RAB11FIP4: variants seen among roughly 807,000 people sequenced by gnomAD.
The protein encoded by RAB11FIP4 is rab11 family-interacting protein 4.
In RAB11FIP4, 23 loss-of-function variants were observed where a neutral mutation model predicts 74.3. The observed-to-expected ratio is 0.31, with a 90% confidence interval of 0.22 to 0.44. The LOEUF (loss-of-function observed/expected upper bound fraction) is 0.44. Ranked by LOEUF, RAB11FIP4 falls within the 20% of genes least tolerant of loss-of-function variation. RAB11FIP4 has a pLI of 1.00. For synonymous variants in RAB11FIP4, 360 were observed against 359.9 expected, an observed-to-expected ratio of 1.00 and a Z score of 0.00; for missense variants, 630 against 863.9, an observed-to-expected ratio of 0.73 and a Z score of 3.39.
chr17:31,403,485 G>A (rs899667283), intron 1 of RAB11FIP4, among the ~76,000 whole-genome samples: 2 of 151,868 alleles, frequency 1.3e-5, no homozygotes, highest in Non-Finnish European at 2.9e-5. Context: ...ACCACACCCA[G>A]CTAATTTTTT....
chr17:31,454,856 C>T (rs1432406335), intron 3 of RAB11FIP4, among the ~76,000 whole-genome samples: 1 of 152,148 alleles, frequency 6.6e-6, no homozygotes, highest in African/African-American at 2.4e-5. Flanking sequence ...TGCACTCCAG[C>T]CTGGGCAACA....
chr17:31,474,626 G>A (rs8070644), intron 3 of RAB11FIP4, among the ~76,000 whole-genome samples: 9,102 of 150,098 alleles, frequency 0.061, 873 homozygotes, highest in African/African-American at 0.2. Flanking sequence ...CTGAGATTGC[G>A]CCACTGCACT....
chr17:31,492,250 C>T (rs2072023121), intron 3 of RAB11FIP4, among the ~76,000 whole-genome samples: 2 of 152,174 alleles, frequency 1.3e-5, no homozygotes, highest in African/African-American at 4.8e-5. Context: ...CTATGGGGTC[C>T]TAAGGACCCC....
intron 3 of RAB11FIP4, among the ~76,000 whole-genome samples, chr17:31,500,321 C>A (rs923740320): frequency 6.6e-6 from 1 of 152,166 alleles, no homozygotes. Context: ...TGGCGTCCCT[C>A]TGAGCAGGGT....
rs542877630 is a variant in RAB11FIP4 at position 31,458,270 on chromosome 17, C to A, written c.336+24148C>A. Among the ~76,000 whole-genome samples the A allele has an allele frequency of 2.2e-4, 34 of 152,326 alleles. No homozygotes were observed. The Middle Eastern group carries it at 0.01, about 46-fold the overall frequency. On this transcript the variant is annotated intron_variant, in intron 3 of 14. Transcript: ENST00000621161. ...ACTCCCTCCACCCCATCCCTGGAGG[C>A]AGGACCAGAGGACTCCTTTGAGGAG... is the stretch of plus-strand genomic sequence containing the variant.
At chr17:31,502,445 G>T (rs1172734390) in intron 3 of RAB11FIP4, among the ~76,000 whole-genome samples, 1 of 151,908 alleles carries the variant, frequency 6.6e-6, no homozygotes, top group Admixed American at 6.6e-5. Flanking sequence ...TGGGCGTGCT[G>T]GTGGGCACCT....
At chr17:31,441,440 T>C (rs1020748145) in intron 3 of RAB11FIP4, among the ~76,000 whole-genome samples, 1 of 152,174 alleles carries the variant, frequency 6.6e-6, no homozygotes, top group African/African-American at 2.4e-5. Context: ...ATTTTATAAC[T>C]GGTTACAACT....
intron 3 of RAB11FIP4, among the ~76,000 whole-genome samples, chr17:31,482,606 A>G (rs1304400072): frequency 2.7e-5 from 4 of 145,836 alleles, no homozygotes; most frequent in African/African-American, 1.1e-4. Context: ...AAAAGAAAAA[A>G]AAAAGAAAAG....
chr17:31,457,992 G>A (rs1231919437), intron 3 of RAB11FIP4, among the ~76,000 whole-genome samples: 1 of 152,150 alleles, frequency 6.6e-6, no homozygotes, highest in Non-Finnish European at 1.5e-5. Context: ...CTTGAGGGAA[G>A]GGACAGATGG....
chr17:31,474,576 G>A (rs2142731527), intron 3 of RAB11FIP4, among the ~76,000 whole-genome samples: 1 of 151,888 alleles, frequency 6.6e-6, no homozygotes, highest in East Asian at 1.9e-4. Flanking sequence ...GGCTGAGGCA[G>A]GAGATTCACT....
At chr17:31,498,181 G>A (rs904280213) in intron 3 of RAB11FIP4, among the ~76,000 whole-genome samples, 11 of 152,220 alleles carry the variant, frequency 7.2e-5, no homozygotes, top group East Asian at 1.9e-4. Context: ...GGGAGGGAGA[G>A]TCTCCACCCC....
At chr17:31,527,584 ACT>A (rs1345945312) in intron 10 of RAB11FIP4, 1 of 446,804 alleles carries the variant, frequency 2.2e-6, no homozygotes. Context: ...ACAGAGCAGG[ACT>A]CTGTCTCAAA....
At chr17:31,497,771 A>T (rs772015509) in intron 3 of RAB11FIP4, among the ~76,000 whole-genome samples, 3 of 152,146 alleles carry the variant, frequency 2.0e-5, no homozygotes, top group Non-Finnish European at 4.4e-5. Context: ...GCAGGGGCTG[A>T]GTGTGCGCTG....
At chr17:31,479,722 C>A (rs1166521482) in intron 3 of RAB11FIP4, among the ~76,000 whole-genome samples, 1 of 152,124 alleles carries the variant, frequency 6.6e-6, no homozygotes, top group Non-Finnish European at 1.5e-5. Flanking sequence ...AGGAGTTTGC[C>A]TGGTGGACAG....
At chr17:31,450,785 C>G (rs141755454) in intron 3 of RAB11FIP4, among the ~76,000 whole-genome samples, 15 of 148,988 alleles carry the variant, frequency 1.0e-4, no homozygotes, top group South Asian at 2.1e-4. Context: ...GCTCCAGTCT[C>G]TTCTGTCAAA....
intron 14 of RAB11FIP4, chr17:31,530,827 C>T (rs1471841584): frequency 4.6e-6 from 1 of 216,912 alleles, no homozygotes; most frequent in African/African-American, 2.3e-5. Flanking sequence ...TTAGCATTTC[C>T]CCAGCACCTG....
In RAB11FIP4 at chr17:31,531,737, C is replaced by T. The variant is rs778693729; in HGVS notation, c.*5C>T. ...ATCCTCGAGATCAAACACTAAGGCA[C>T]GGGGCTGGCTGCAGAGCAGCCTTAG... On this transcript the variant is annotated 3_prime_UTR_variant, in exon 15 of 15. Coordinates refer to ENST00000621161, the MANE Select transcript of RAB11FIP4 (RefSeq NM_032932.6). The T allele has an allele frequency of 1.9e-5, 30 of 1,594,900 alleles. No homozygotes were observed. The highest frequency in any genetic ancestry group is 8.9e-5 in the East Asian group (4 of 44,808).
Position 31,465,165 on chromosome 17 carries a change from A to G in RAB11FIP4, c.336+31043A>G, listed in dbSNP as rs984596070. Among the ~76,000 whole-genome samples the G allele has an allele frequency of 3.9e-5, 6 of 152,230 alleles. No individual in the cohort carries two copies. In the East Asian group the frequency reaches 1.2e-3, roughly 29 times the overall value. On this transcript the variant is annotated intron_variant, in intron 3 of 14. Coordinates refer to ENST00000621161, the MANE Select transcript of RAB11FIP4 (RefSeq NM_032932.6). ...GTTGCACAGAGCCTGGAACTTCCCA[A>G]GGCTATGTTGAGGCCAGACTAGAAC...
intron 1 of RAB11FIP4, among the ~76,000 whole-genome samples, chr17:31,409,770 C>T (rs888285630): frequency 1.3e-5 from 2 of 152,152 alleles, no homozygotes; most frequent in Admixed American, 6.5e-5. Flanking sequence ...GTAACAGGGG[C>T]ACAGTGTTAC....
Sources: allele counts gnomAD v4.1 joint callset (sites outside exome capture counted in the v4.1 genomes callset), GRCh38; gene constraint gnomAD v4.1.1; transcripts MANE v1.5; gene names NCBI Gene and HGNC (gene_info 2026-07-23, HGNC 2026-07-21).